TFAP2D: variants seen among roughly 807,000 people sequenced by gnomAD.
TFAP2D encodes the protein transcription factor AP-2 delta.
A neutral mutation model predicts 43.6 loss-of-function variants in TFAP2D; 9 were observed. The ratio of observed to expected loss-of-function variants is 0.21; its 90% CI spans 0.12 to 0.36. TFAP2D has a LOEUF of 0.36. Among genes scored for constraint, TFAP2D ranks in the 10% least tolerant of loss-of-function variants. The pLI, the probability that TFAP2D is intolerant of heterozygous loss-of-function variation, is 1.00. For missense variants in TFAP2D, 513 were observed against 561.4 expected (o/e 0.91, Z 0.87); for synonymous variants, 256 against 224.9 (o/e 1.14, Z -1.24).
chr6:50,733,272 C>T (rs1768918139), intron 5 of TFAP2D, among the ~76,000 whole-genome samples: 1 of 152,100 alleles, frequency 6.6e-6, no homozygotes, highest in East Asian at 1.9e-4. Flanking sequence ...TTTTTCAACT[C>T]ATATGTCTTC....
rs1052123265 is a variant in TFAP2D, at chr6:50,715,933, A to G, written c.537+320A>G. On this transcript the variant is annotated intron_variant, in intron 2 of 7. Coordinates refer to ENST00000008391, the MANE Select transcript of TFAP2D (RefSeq NM_172238.4). ...CCTCACAGAAGTCTTTTGTGAATCAACATTTGTGACCCTGAGGGGATGAGG... is the reference window on the plus strand; with the variant it reads ...CCTCACAGAAGTCTTTTGTGAATCAGCATTTGTGACCCTGAGGGGATGAGG... Among the ~76,000 whole-genome samples the G allele has an allele frequency of 3.3e-5, 5 of 152,136 alleles. No homozygotes were observed. In the South Asian group the frequency reaches 1.0e-3, roughly 32 times the overall value.
chr6:50,732,285 T>C (rs1410474200), intron 5 of TFAP2D, among the ~76,000 whole-genome samples: 3 of 152,116 alleles, frequency 2.0e-5, no homozygotes, highest in Non-Finnish European at 4.4e-5. Context: ...GGATTTTCTA[T>C]ATTAACTTAT....
At chr6:50,749,881 A>G (rs1769177436) in intron 6 of TFAP2D, among the ~76,000 whole-genome samples, 1 of 151,870 alleles carries the variant, frequency 6.6e-6, no homozygotes, top group Non-Finnish European at 1.5e-5. Context: ...ATCTTATTTC[A>G]CTGAAGCAGA....
chr6:50,723,848 C>T (rs1013268669), intron 3 of TFAP2D, among the ~76,000 whole-genome samples: 15 of 152,136 alleles, frequency 9.9e-5, no homozygotes, highest in African/African-American at 3.6e-4. Context: ...CATACACACA[C>T]CCTAATATAC....
At chr6:50,720,707 C>A (rs938791785) in intron 3 of TFAP2D, among the ~76,000 whole-genome samples, 1 of 152,086 alleles carries the variant, frequency 6.6e-6, no homozygotes. Context: ...GAACAGGGGA[C>A]CAGGTGAGAT....
At chr6:50,772,214 G>A (rs1009202061) in intron 7 of TFAP2D, among the ~76,000 whole-genome samples, 12 of 151,982 alleles carry the variant, frequency 7.9e-5, no homozygotes, top group Non-Finnish European at 1.8e-4. Flanking sequence ...GACACAGGAA[G>A]GGGAACTCAC....
chr6:50,732,190 T>C (rs1222771075), intron 5 of TFAP2D, among the ~76,000 whole-genome samples: 1 of 152,130 alleles, frequency 6.6e-6, no homozygotes, highest in East Asian at 1.9e-4. Flanking sequence ...ATTGGCTTTC[T>C]TATATGGTCT....
chr6:50,751,350 A>G (rs752843414), intron 7 of TFAP2D, 26 bp downstream of exon 7: 4 of 1,508,232 alleles, frequency 2.7e-6, no homozygotes, highest in Non-Finnish European at 3.7e-6. Flanking sequence ...CAGTTTGCTC[A>G]AATTCTTTAC....
At chr6:50,768,767 A>C (rs144361546) in intron 7 of TFAP2D, among the ~76,000 whole-genome samples, 42 of 152,326 alleles carry the variant, frequency 2.8e-4, no homozygotes, top group Non-Finnish European at 2.9e-5. Flanking sequence ...GGTAATGTTA[A>C]ATTAGGTAAT....
At chr6:50,764,064 G>C (rs1247218043) in intron 7 of TFAP2D, among the ~76,000 whole-genome samples, 1 of 152,082 alleles carries the variant, frequency 6.6e-6, no homozygotes, top group African/African-American at 2.4e-5. Flanking sequence ...TAATAACCCA[G>C]AGTTTCTAAA....
intron 3 of TFAP2D, among the ~76,000 whole-genome samples, chr6:50,720,340 A>G (rs765332105): frequency 3.5e-4 from 54 of 152,140 alleles, no homozygotes; most frequent in Non-Finnish European, 3.1e-4. Context: ...CCAATGTCCA[A>G]TGTAAACTCC....
intron 5 of TFAP2D, among the ~76,000 whole-genome samples, chr6:50,741,098 T>A (rs1346186116): frequency 1.3e-5 from 2 of 151,480 alleles, no homozygotes; most frequent in Non-Finnish European, 2.9e-5. Flanking sequence ...TATCTGTATT[T>A]AATATAAGTA....
Position 50,715,394 on chromosome 6 carries a change from C to T in TFAP2D, c.318C>T (p.His106=). 8 of 1,614,086 alleles carry T rather than the reference C, an allele frequency of 5.0e-6. No homozygotes were observed. Among genetic ancestry groups the T allele is most frequent in the Non-Finnish European group, 5.9e-6 (7 of 1,180,030 alleles). ...HHSQQYYQQI[H]HGEPTDFINL... is the part of the protein sequence containing the mutation. ...CGCAACAGTACTACCAGCAGATCCA[C>T]CACGGGGAGCCCACCGACTTTATTA... is the stretch of plus-strand genomic sequence containing the variant. The change falls in exon 2 of 8, where the codon CAC becomes CAT. Residue 106 remains histidine (H), a synonymous_variant. Coordinates refer to ENST00000008391, the MANE Select transcript of TFAP2D (RefSeq NM_172238.4).
chr6:50,718,884 A>T (rs1768669662), intron 2 of TFAP2D, among the ~76,000 whole-genome samples: 1 of 152,160 alleles, frequency 6.6e-6, no homozygotes, highest in African/African-American at 2.4e-5. Context: ...TGCATACCTT[A>T]AGATTTATAC....
rs190342373 is a variant in TFAP2D, at chr6:50,728,929, T to G, written c.672T>G (p.Thr224=). The change falls in exon 4 of 8, where the codon ACT becomes ACG. Residue 224 remains threonine, a synonymous_variant. Coordinates refer to ENST00000008391, the MANE Select transcript of TFAP2D (RefSeq NM_172238.4). ...VPGRLSLLSS[T]SKYKVTIAEV... ...GCCGTTTGTCCCTTCTTAGTTCTAC[T>G]TCCAAATACAAGGTGACCATTGCTG... 144 of 1,614,100 alleles carry G rather than the reference T, an allele frequency of 8.9e-5. 1 individual carries two copies. In the East Asian group the frequency reaches 3.0e-3, roughly 33 times the overall value.
Position 50,713,951 on chromosome 6 carries a change from T to C in TFAP2D, c.-105T>C. On this transcript the variant is annotated 5_prime_UTR_variant, in exon 1 of 8. Coordinates refer to ENST00000008391, the MANE Select transcript of TFAP2D (RefSeq NM_172238.4). ...TTAGATATCTACCTATAGAACATTT[T>C]TTTTTTCCTTTAAAAATTGGAAAAT... is the stretch of plus-strand genomic sequence containing the variant. 2 of 1,534,048 alleles carry C rather than the reference T, an allele frequency of 1.3e-6. No individual in the cohort carries two copies. The highest frequency in any genetic ancestry group is 1.8e-6 in the Non-Finnish European group (2 of 1,112,026).
At chr6:50,729,992 T>G (rs940708069) in intron 5 of TFAP2D, among the ~76,000 whole-genome samples, 1 of 152,194 alleles carries the variant, frequency 6.6e-6, no homozygotes, top group African/African-American at 2.4e-5. Flanking sequence ...GGAGAGTTAT[T>G]ATTGAAAGGC....
intron 7 of TFAP2D, among the ~76,000 whole-genome samples, chr6:50,760,835 C>G (rs1769352382): frequency 6.6e-6 from 1 of 151,608 alleles, no homozygotes; most frequent in Non-Finnish European, 1.5e-5. Context: ...TACTCAGAGC[C>G]GTGAGAGGAA....
At chr6:50,729,849 T>C (rs1165948756) in intron 5 of TFAP2D, among the ~76,000 whole-genome samples, 1 of 152,116 alleles carries the variant, frequency 6.6e-6, no homozygotes, top group African/African-American at 2.4e-5. Flanking sequence ...GAGGTTAAGG[T>C]TAACCAGTAG....
Sources: allele counts gnomAD v4.1 joint callset (sites outside exome capture counted in the v4.1 genomes callset), GRCh38; gene constraint gnomAD v4.1.1; transcripts MANE v1.5; gene names NCBI Gene and HGNC (gene_info 2026-07-23, HGNC 2026-07-21).